Variants in OPCML observed in about 807,000 individuals in gnomAD.
OPCML encodes opioid-binding protein/cell adhesion molecule.
OPCML carries 13 observed loss-of-function variants against 37.8 expected under a neutral mutation model. That is an observed-to-expected ratio of 0.34 (90% confidence interval 0.22 to 0.55). OPCML has a LOEUF of 0.55. OPCML is among the 20% of genes least tolerant of loss of function. OPCML has a pLI of 0.91. For missense variants in OPCML, 341 were observed against 435.6 expected, an observed-to-expected ratio of 0.78 and a Z score of 1.93; for synonymous variants, 176 against 168.8, an observed-to-expected ratio of 1.04 and a Z score of -0.33.
At chr11:132,505,936 A>T (rs1369283403) in intron 4 of OPCML, among the ~76,000 whole-genome samples, 1 of 152,162 alleles carries the variant, frequency 6.6e-6, no homozygotes, top group Non-Finnish European at 1.5e-5. Context: ...GACTTACTGC[A>T]TATTAGGAGA....
Position 132,887,751 on chromosome 11 carries a change from G to T in OPCML, c.146+55175C>A, listed in dbSNP as rs544537875. 4.6e-5 allele frequency among the ~76,000 whole-genome samples: 7 copies of T among 152,356 alleles called. No homozygotes were observed. The South Asian group carries it at 1.0e-3, about 23-fold the overall frequency. On this transcript the variant is annotated intron_variant, in intron 2 of 7. Transcript: ENST00000524381. ...GTAATCAGAAATGGTTTAAGAGAGT[G>T]TCAAAAACATAAGGGATCGGCAGAT...
chr11:132,616,192 T>C (rs955278505), intron 3 of OPCML, among the ~76,000 whole-genome samples: 1 of 152,226 alleles, frequency 6.6e-6, no homozygotes, highest in Non-Finnish European at 1.5e-5. Flanking sequence ...AAATGAGATA[T>C]GAACTATTTT....
At chr11:132,596,051 C>G (rs569941064) in intron 3 of OPCML, among the ~76,000 whole-genome samples, 1 of 152,300 alleles carries the variant, frequency 6.6e-6, no homozygotes, top group Middle Eastern at 3.4e-3. Context: ...GACTCCACCA[C>G]TTGGCTGTGT....
chr11:132,676,290 C>T (rs1245462058), intron 2 of OPCML, among the ~76,000 whole-genome samples: 1 of 152,020 alleles, frequency 6.6e-6, no homozygotes, highest in Non-Finnish European at 1.5e-5. Flanking sequence ...CAAAAAATAA[C>T]TCAATATGTA....
chr11:132,603,088 A>G (rs1264876674), intron 3 of OPCML, among the ~76,000 whole-genome samples: 1 of 151,994 alleles, frequency 6.6e-6, no homozygotes, highest in Non-Finnish European at 1.5e-5. Context: ...CTCTATTTCC[A>G]TCCTAGTTTG....
chr11:132,437,306 G>A lies in OPCML; in HGVS notation c.559C>T (p.Arg187Ter). The change falls in exon 5 of 8, where the codon CGA (arginine) becomes TGA (stop). Residue 187 changes from arginine to a stop codon, truncating the protein, a stop_gained. Coordinates refer to ENST00000524381, the MANE Select transcript of OPCML (RefSeq NM_001012393.5). LOFTEE classifies it high-confidence loss of function. ...DEYLEISDIK[R>*]DQSGEYECSA... Reference sequence around the variant, plus strand: ...CATTCGTACTCCCCGGACTGGTCTCGCTTGATGTCAGAGATCTCCAGGTAC... The same window carrying A: ...CATTCGTACTCCCCGGACTGGTCTCACTTGATGTCAGAGATCTCCAGGTAC... The A allele has an allele frequency of 1.9e-6, 3 of 1,614,178 alleles. No individual in the cohort carries two copies. Among genetic ancestry groups the A allele is most frequent in the Non-Finnish European group, 1.7e-6 (2 of 1,180,032 alleles).
intron 3 of OPCML, among the ~76,000 whole-genome samples, chr11:132,582,826 G>T (rs905827201): frequency 2.7e-5 from 4 of 146,584 alleles, no homozygotes; most frequent in Non-Finnish European, 1.5e-5. Flanking sequence ...AGTGTCTTCA[G>T]AGTTGTTTTT....
chr11:133,289,594 CAAAAAAA>C (rs1229577687), intron 1 of OPCML, among the ~76,000 whole-genome samples: 6 of 52,304 alleles, frequency 1.1e-4, no homozygotes, highest in Non-Finnish European at 1.6e-4. Flanking sequence ...GACTCCATCT[CAAAAAAA>C]AAAAAAAAAA....
chr11:132,533,030 T>G (rs2096330366), intron 3 of OPCML, among the ~76,000 whole-genome samples: 1 of 152,166 alleles, frequency 6.6e-6, no homozygotes, highest in Admixed American at 6.6e-5. Context: ...CTATACATAT[T>G]GCTACTGCTT....
intron 3 of OPCML, among the ~76,000 whole-genome samples, chr11:132,593,280 G>T (rs545427177): frequency 6.6e-6 from 1 of 152,252 alleles, no homozygotes; most frequent in Non-Finnish European, 1.5e-5. Context: ...GGCTGGGAAA[G>T]GCAGCTGCGG....
At chr11:133,307,057 G>A (rs1041807682) in intron 1 of OPCML, among the ~76,000 whole-genome samples, 1 of 152,126 alleles carries the variant, frequency 6.6e-6, no homozygotes, top group Non-Finnish European at 1.5e-5. Context: ...GAGGCTGGAC[G>A]GTCATGGTCA....
At chr11:132,446,643 C>T (rs900179809) in intron 4 of OPCML, among the ~76,000 whole-genome samples, 11 of 152,200 alleles carry the variant, frequency 7.2e-5, no homozygotes, top group Non-Finnish European at 1.0e-4. Flanking sequence ...ATTTATTTTA[C>T]ACATTTTCCC....
chr11:132,563,267 T>C (rs1347713769), intron 3 of OPCML, among the ~76,000 whole-genome samples: 1 of 152,174 alleles, frequency 6.6e-6, no homozygotes, highest in African/African-American at 2.4e-5. Context: ...TGTGTGCTTA[T>C]TATCACTCTG....
At chr11:133,302,348 C>G (rs1233012627) in intron 1 of OPCML, 1 of 153,238 alleles carries the variant, frequency 6.5e-6, no homozygotes, top group Non-Finnish European at 1.5e-5. Flanking sequence ...CATTCTCTCT[C>G]CTGCCACCCT....
At chr11:133,191,908 T>A (rs934509296) in intron 1 of OPCML, among the ~76,000 whole-genome samples, 4 of 152,202 alleles carry the variant, frequency 2.6e-5, no homozygotes, top group African/African-American at 9.7e-5. Context: ...TGGGCAAGGC[T>A]TTTGGTGAAT....
rs200349396 is a variant in OPCML, at chr11:132,469,470, C to CTG, written c.506-32113_506-32112dup. Among the ~76,000 whole-genome samples, 16 of 140,582 alleles carry CTG rather than the reference C, an allele frequency of 1.1e-4. No individual in the cohort carries two copies. The East Asian group carries it at 3.3e-3, about 29-fold the overall frequency. 92.2% of individuals were successfully genotyped at this position (140,582 alleles called of 152,430 possible). A position where few individuals can be genotyped will look rare whatever the true frequency, so the allele number is the denominator to read the frequency against. ...ATGTGTGTGTGTGGTGCCTGTGTGC[C>CTG]TGTGTGTGTGTGGTGACTGTGTGTG... On this transcript the variant is annotated intron_variant, in intron 4 of 7. Coordinates refer to ENST00000524381, the MANE Select transcript of OPCML (RefSeq NM_001012393.5).
At chr11:133,384,247 C>CAAAAA (rs1186998875) in intron 1 of OPCML, among the ~76,000 whole-genome samples, 28 of 70,890 alleles carry the variant, frequency 3.9e-4, no homozygotes, top group African/African-American at 5.5e-4. Context: ...GGCCACTGTG[C>CAAAAA]AAAAAAAAAA....
At chr11:133,070,411 T>G (rs138006879) in intron 1 of OPCML, among the ~76,000 whole-genome samples, 2 of 152,168 alleles carry the variant, frequency 1.3e-5, no homozygotes, top group African/African-American at 4.8e-5. Flanking sequence ...CCCTGGTCCA[T>G]TTAGGCTCAA....
At chr11:132,834,819 A>G (rs1385742591) in intron 2 of OPCML, among the ~76,000 whole-genome samples, 1 of 152,174 alleles carries the variant, frequency 6.6e-6, no homozygotes, top group Non-Finnish European at 1.5e-5. Context: ...CTTTTTGGGG[A>G]ACACCATTTC....
Sources: allele counts gnomAD v4.1 joint callset (sites outside exome capture counted in the v4.1 genomes callset), GRCh38; gene constraint gnomAD v4.1.1; transcripts MANE v1.5; gene names NCBI Gene and HGNC (gene_info 2026-07-23, HGNC 2026-07-21).